Variants in CTSA observed in about 807,000 individuals in gnomAD.
CTSA encodes the protein cathepsin A.
CTSA carries 42 observed loss-of-function variants against 66.7 expected under a neutral mutation model. The observed-to-expected ratio is 0.63, with a 90% confidence interval of 0.49 to 0.81. The LOEUF (loss-of-function observed/expected upper bound fraction) is 0.81. Among genes scored for constraint, CTSA ranks in the 40% least tolerant of loss-of-function variants. The pLI is 0.00. For synonymous variants in CTSA, 225 were observed against 248.6 expected (o/e 0.91, Z 0.89); for missense variants, 525 against 610.9 (o/e 0.86, Z 1.48).
At position 45,891,475 on chromosome 20, in the gene CTSA, C is replaced by T; in HGVS notation, c.1-94C>T. Reference sequence around the variant, plus strand: ...GTGGGAGCTGGCGCTGGGGCCGGGGCTTCCCTCGCGGAGGCGCCGCCAGCA... The same window carrying T: ...GTGGGAGCTGGCGCTGGGGCCGGGGTTTCCCTCGCGGAGGCGCCGCCAGCA... On this transcript the variant is annotated intron_variant, in intron 1 of 14. Coordinates refer to ENST00000646241, the MANE Select transcript of CTSA (RefSeq NM_000308.4). The surrounding 1 kb of genome is among the most constrained non-coding windows in gnomAD (Gnocchi z 4.6). 9 of 1,546,806 alleles carry T rather than the reference C, an allele frequency of 5.8e-6. No individual in the cohort carries two copies. The highest frequency in any genetic ancestry group is 7.9e-6 in the Non-Finnish European group (9 of 1,145,946).
rs1173042226 is a variant in CTSA at position 45,891,892 on chromosome 20, A to G, written c.195-24A>G. The G allele has an allele frequency of 6.2e-7, 1 of 1,611,278 alleles. No homozygotes were observed. Among genetic ancestry groups the G allele is most frequent in the Non-Finnish European group, 8.5e-7 (1 of 1,177,570 alleles). On this transcript the variant is annotated intron_variant, in intron 2 of 14. Transcript: ENST00000646241. This position sits in a 1 kb window ranked among gnomAD's most constrained non-coding sequence, Gnocchi z 4.6. ...GGAAAGGGCCCCTCCAACTGCGCCA[A>G]CCCTGCCCTGACCCCCCTCCCAGGT... is the stretch of plus-strand genomic sequence containing the variant.
chr20:45,893,922 G>T (rs532425821), intron 7 of CTSA, 66 bp from the exon 8 acceptor site: 341 of 987,546 alleles, frequency 3.5e-4, no homozygotes, highest in Non-Finnish European at 4.7e-4. Context: ...TGGGGGGTAT[G>T]CTCGCCTCCT....
In CTSA at chr20:45,895,134, G is replaced by C. The variant is rs112245399; in HGVS notation, c.1088+1G>C. On this transcript the variant is annotated splice_donor_variant, in intron 11 of 14. Transcript: ENST00000646241. LOFTEE classifies it high-confidence loss of function. ...AGCTGCCACAATGGGACATGTGCAA[G>C]TGAGGTTCCGTGGCCACCTGTGACT... 6.2e-7 allele frequency: 1 copy of C among 1,614,128 alleles called. No homozygotes were observed. Among genetic ancestry groups the C allele is most frequent in the Non-Finnish European group, 8.5e-7 (1 of 1,180,010 alleles).
rs758265394 is a variant in CTSA, at chr20:45,891,345, C to A, written c.-35C>A. On this transcript the variant is annotated 5_prime_UTR_variant, in exon 1 of 15. Transcript: ENST00000646241. The surrounding 1 kb of genome is among the most constrained non-coding windows in gnomAD (Gnocchi z 4.6). ...GTACACATGACTTCCAGTCCCCGGG[C>A]GCCTCCTGGAGAGCAAGGACGCGGG... 1.9e-6 allele frequency: 3 copies of A among 1,570,688 alleles called. No individual in the cohort carries two copies. The East Asian group carries it at 7.0e-5, about 37-fold the overall frequency.
chr20:45,893,719 A>G (rs564990870), intron 7 of CTSA, among the ~76,000 whole-genome samples: 3 of 152,032 alleles, frequency 2.0e-5, no homozygotes, highest in Non-Finnish European at 4.4e-5. Context: ...CCTGGCCTCA[A>G]ATGATCTTCC....
intron 3 of CTSA, 60 bp downstream of exon 3, chr20:45,892,087 G>T: frequency 6.5e-7 from 1 of 1,534,830 alleles, no homozygotes; most frequent in South Asian, 1.1e-5. Flanking sequence ...GAAAGCGAGA[G>T]AGGGGCTTTG....
At chr20:45,896,862 G>C (rs1055378182) in intron 11 of CTSA, 103 bp from the exon 12 acceptor site, 2 of 945,158 alleles carry the variant, frequency 2.1e-6, no homozygotes, top group East Asian at 4.8e-5. Context: ...CCAGCTGTCT[G>C]CCTTCTGGGT....
At chr20:45,892,624 C>G in intron 5 of CTSA, 101 bp from the exon 6 acceptor site, 1 of 1,549,130 alleles carries the variant, frequency 6.5e-7, no homozygotes. Context: ...GTCACTTCCT[C>G]TTGCACAAAT....
intron 7 of CTSA, 188 bp downstream of exon 7, chr20:45,893,499 T>TG (rs1443875919): frequency 6.8e-5 from 40 of 587,570 alleles, no homozygotes; most frequent in Middle Eastern, 4.5e-4. Flanking sequence ...TTTTTTTTTT[T>TG]TGAGACAGAT....
At chr20:45,897,088 G>T in intron 12 of CTSA, 48 bp downstream of exon 12, 1 of 1,441,854 alleles carries the variant, frequency 6.9e-7, no homozygotes, top group Non-Finnish European at 9.8e-7. Flanking sequence ...TAGGACCCCA[G>T]AGTAGCACAG....
rs1241322406 is a variant in CTSA at position 45,898,666 on chromosome 20, G to A, written c.*216G>A. The stretch of plus-strand genomic sequence containing the variant: ...TATTCCCGCAGCAGTTCCTGAATGG[G>A]GTGGCCTGGCCCCTTCTCTGCTTAA... On this transcript the variant is annotated 3_prime_UTR_variant, in exon 15 of 15. Coordinates refer to ENST00000646241, the MANE Select transcript of CTSA (RefSeq NM_000308.4). The surrounding 1 kb of genome is among the most constrained non-coding windows in gnomAD (Gnocchi z 4.6). 3.0e-6 allele frequency: 2 copies of A among 676,824 alleles called. No homozygotes were observed. Among genetic ancestry groups the A allele is most frequent in the Non-Finnish European group, 5.2e-6 (2 of 384,044 alleles). The allele number at this position is 676,824 out of a possible 1,614,324, so 41.9% of individuals were successfully genotyped here.
chr20:45,898,002 C>G lies in CTSA; in HGVS notation c.1255-3C>G, dbSNP rs762371993. ...TAGGCTGATGTCTTTCCTGGTGGGG[C>G]AGATGGAGGTGCAGCGCCGGCCCTG... On this transcript the variant is annotated splice_region_variant and splice_polypyrimidine_tract_variant and intron_variant, in intron 13 of 14. Coordinates refer to ENST00000646241, the MANE Select transcript of CTSA (RefSeq NM_000308.4). The surrounding 1 kb of genome is among the most constrained non-coding windows in gnomAD (Gnocchi z 4.6). The G allele has an allele frequency of 6.2e-7, 1 of 1,613,948 alleles. No individual in the cohort carries two copies. The highest frequency in any genetic ancestry group is 1.1e-5 in the South Asian group (1 of 91,072).
Position 45,897,729 on chromosome 20 carries a change from C to A in CTSA, c.1177C>A (p.Leu393Ile). 1 of 1,606,866 alleles carries A rather than the reference C, an allele frequency of 6.2e-7. No individual in the cohort carries two copies. The highest frequency in any genetic ancestry group is 8.5e-7 in the Non-Finnish European group (1 of 1,173,464). The change falls in exon 13 of 15, where the codon CTA (leucine) becomes ATA (isoleucine). Residue 393 changes from leucine to isoleucine, a missense_variant. Coordinates refer to ENST00000646241, the MANE Select transcript of CTSA (RefSeq NM_000308.4). Reference sequence around the variant, plus strand: ...CATCCTGCTTTAGAAATACCAGATCCTATTATATAATGGAGATGTAGACAT... The same window carrying A: ...CATCCTGCTTTAGAAATACCAGATCATATTATATAATGGAGATGTAGACAT... ...KLLSSQKYQILLYNGDVDMAC... is the reference protein window; with the variant it reads ...KLLSSQKYQIILYNGDVDMAC...
rs1042123804 is a variant in CTSA, at chr20:45,891,877, C to T, written c.195-39C>T. 1 of 1,607,638 alleles carries T rather than the reference C, an allele frequency of 6.2e-7. No individual in the cohort carries two copies. Among genetic ancestry groups the T allele is most frequent in the African/African-American group, 1.3e-5 (1 of 74,792 alleles). Reference sequence around the variant, plus strand: ...GGAGCCGGGAGGGCTGGAAAGGGCCCCTCCAACTGCGCCAACCCTGCCCTG... The same window carrying T: ...GGAGCCGGGAGGGCTGGAAAGGGCCTCTCCAACTGCGCCAACCCTGCCCTG... On this transcript the variant is annotated intron_variant, in intron 2 of 14. Transcript: ENST00000646241. The surrounding 1 kb of genome is among the most constrained non-coding windows in gnomAD (Gnocchi z 4.6).
Position 45,891,586 on chromosome 20 carries a change from G to T in CTSA, c.18G>T (p.Pro6=), listed in dbSNP as rs756186589. The T allele has an allele frequency of 6.3e-7, 1 of 1,582,036 alleles. No homozygotes were observed. The highest frequency in any genetic ancestry group is 8.5e-7 in the Non-Finnish European group (1 of 1,171,458). The change falls in exon 2 of 15, where the codon CCG becomes CCT. Residue 6 remains proline (P), a synonymous_variant. Transcript: ENST00000646241. The surrounding 1 kb of genome is among the most constrained non-coding windows in gnomAD (Gnocchi z 4.6). The part of the protein sequence containing the change: MIRAA[P]PPLFLLLLLL... ...TCCCGTAGATGATCCGAGCCGCGCC[G>T]CCGCCGCTGTTCCTGCTGCTGCTGC...
Position 45,897,810 on chromosome 20 carries a change from A to C in CTSA, c.1254+4A>C, listed in dbSNP as rs759713400. 6.2e-7 allele frequency: 1 copy of C among 1,603,830 alleles called. No homozygotes were observed. The highest frequency in any genetic ancestry group is 1.1e-5 in the South Asian group (1 of 90,862). On this transcript the variant is annotated splice_donor_region_variant and intron_variant, in intron 13 of 14. Transcript: ENST00000646241. ...TGTGGATTCCCTCAACCAGAAGGTA[A>C]GGTAGAGATTCCTGGCCCTGGGATA...
In CTSA at chr20:45,898,163, C is replaced by A; in HGVS notation, c.1359+54C>A. Reference sequence around the variant, plus strand: ...TGGGCCGGAGGCAAAGGAGCAGGACCCACCCGTCCTTTCCCTCTGGCTGCC... The same window carrying A: ...TGGGCCGGAGGCAAAGGAGCAGGACACACCCGTCCTTTCCCTCTGGCTGCC... On this transcript the variant is annotated intron_variant, in intron 14 of 14. Transcript: ENST00000646241. This position sits in a 1 kb window ranked among gnomAD's most constrained non-coding sequence, Gnocchi z 4.6. The A allele has an allele frequency of 6.4e-7, 1 of 1,562,818 alleles. No individual in the cohort carries two copies.
In CTSA at chr20:45,891,429, C is replaced by T. The variant is rs776257120; in HGVS notation, c.-1+50C>T. Reference sequence around the variant, plus strand: ...GGGATCCCCGAGCCCGGGATCGGTGCGCGGCAGAGGAGGCTCGCGGGTGGG... The same window carrying T: ...GGGATCCCCGAGCCCGGGATCGGTGTGCGGCAGAGGAGGCTCGCGGGTGGG... On this transcript the variant is annotated intron_variant, in intron 1 of 14. Transcript: ENST00000646241. This position sits in a 1 kb window ranked among gnomAD's most constrained non-coding sequence, Gnocchi z 4.6. 2.3e-5 allele frequency: 35 copies of T among 1,550,628 alleles called. No homozygotes were observed. Among genetic ancestry groups the T allele is most frequent in the Non-Finnish European group, 2.8e-5 (32 of 1,147,884 alleles).
chr20:45,893,964 G>T, intron 7 of CTSA, 24 bp from the exon 8 acceptor site: 1 of 1,505,284 alleles, frequency 6.6e-7, no homozygotes. Flanking sequence ...CAGCTGATGC[G>T]CTTTTCACTC....
Sources: allele counts gnomAD v4.1 joint callset (sites outside exome capture counted in the v4.1 genomes callset), GRCh38; gene constraint gnomAD v4.1.1; non-coding constraint Gnocchi (gnomAD v3.1); transcripts MANE v1.5; gene names NCBI Gene and HGNC (gene_info 2026-07-23, HGNC 2026-07-21).